Variants in PXDNL observed in about 807,000 individuals in gnomAD.
PXDNL encodes the protein probable oxidoreductase PXDNL.
Under a neutral mutation model 150.8 loss-of-function variants are expected in PXDNL, and 145 were observed. The ratio of observed to expected loss-of-function variants is 0.96; its 90% CI spans 0.84 to 1.10. The LOEUF (loss-of-function observed/expected upper bound fraction) is 1.10. PXDNL is among the 50% of genes least tolerant of loss of function. The pLI, the probability that PXDNL is intolerant of heterozygous loss-of-function variation, is 0.00. For missense variants in PXDNL, 2,087 were observed against 1,873.9 expected (o/e 1.11, Z -2.10); for synonymous variants, 757 against 725.7 (o/e 1.04, Z -0.69).
chr8:51,596,104 G>A (rs1199771041), intron 2 of PXDNL, among the ~76,000 whole-genome samples: 6 of 152,018 alleles, frequency 3.9e-5, no homozygotes, highest in Admixed American at 6.6e-5. Context: ...CATTATGTCC[G>A]AGTATCCAGT....
At chr8:51,675,155 C>T (rs1196321145) in intron 1 of PXDNL, among the ~76,000 whole-genome samples, 1 of 152,210 alleles carries the variant, frequency 6.6e-6, no homozygotes, top group African/African-American at 2.4e-5. Context: ...CCATTTGGAG[C>T]ACTGTTGCTC....
At chr8:51,641,803 C>A (rs1331224418) in intron 2 of PXDNL, among the ~76,000 whole-genome samples, 2 of 152,088 alleles carry the variant, frequency 1.3e-5, no homozygotes, top group Non-Finnish European at 2.9e-5. Flanking sequence ...TGTGGCGATT[C>A]CTCAGGGATC....
intron 21 of PXDNL, among the ~76,000 whole-genome samples, chr8:51,321,773 G>T (rs1013208245): frequency 3.3e-5 from 5 of 152,050 alleles, no homozygotes; most frequent in African/African-American, 4.8e-5. Flanking sequence ...TTCATAAATT[G>T]CCCAGTGTCA....
At chr8:51,690,133 A>G (rs1291050310) in intron 1 of PXDNL, among the ~76,000 whole-genome samples, 1 of 152,178 alleles carries the variant, frequency 6.6e-6, no homozygotes, top group Non-Finnish European at 1.5e-5. Flanking sequence ...TGATGAGCTA[A>G]TCTCATATGT....
At chr8:51,460,350 T>A (rs149046973) in intron 8 of PXDNL, among the ~76,000 whole-genome samples, 194 of 148,874 alleles carry the variant, frequency 1.3e-3, no homozygotes, top group Non-Finnish European at 2.0e-3. Context: ...GTCAATCATA[T>A]TTACCATGTT....
At chr8:51,473,052 G>A (rs1159231974) in intron 7 of PXDNL, among the ~76,000 whole-genome samples, 4 of 151,964 alleles carry the variant, frequency 2.6e-5, no homozygotes, top group African/African-American at 9.7e-5. Flanking sequence ...ACATTCCGTA[G>A]ATCTTTAGTA....
chr8:51,753,480 G>C (rs895556348), intron 1 of PXDNL, among the ~76,000 whole-genome samples: 5 of 152,170 alleles, frequency 3.3e-5, no homozygotes, highest in Non-Finnish European at 5.9e-5. Flanking sequence ...ATTTCATTTG[G>C]AATTGCCTTT....
At chr8:51,786,820 A>C (rs1216366242) in intron 1 of PXDNL, among the ~76,000 whole-genome samples, 1 of 152,260 alleles carries the variant, frequency 6.6e-6, no homozygotes, top group Non-Finnish European at 1.5e-5. Context: ...TTGGAAAACA[A>C]TGCCATCTAA....
At chr8:51,414,661 C>T (rs972665047) in intron 14 of PXDNL, among the ~76,000 whole-genome samples, 1 of 151,860 alleles carries the variant, frequency 6.6e-6, no homozygotes, top group East Asian at 1.9e-4. Flanking sequence ...TTGATTAATT[C>T]AATTGGATGA....
intron 11 of PXDNL, among the ~76,000 whole-genome samples, chr8:51,447,820 G>C (rs557495728): frequency 2.6e-5 from 4 of 152,320 alleles, no homozygotes; most frequent in Admixed American, 1.3e-4. Flanking sequence ...ACCCTATTGA[G>C]CGTACACACA....
At chr8:51,535,369 A>G (rs1812047566) in intron 4 of PXDNL, among the ~76,000 whole-genome samples, 1 of 91,984 alleles carries the variant, frequency 1.1e-5, no homozygotes, top group Admixed American at 1.1e-4. Flanking sequence ...TTTGTTCTGT[A>G]CTAAGAAAAA....
chr8:51,704,031 A>G (rs1047104981), intron 1 of PXDNL, among the ~76,000 whole-genome samples: 4 of 152,224 alleles, frequency 2.6e-5, no homozygotes, highest in Non-Finnish European at 4.4e-5. Context: ...TACTCATGGC[A>G]TTGCCTATAA....
intron 12 of PXDNL, among the ~76,000 whole-genome samples, chr8:51,441,991 C>T (rs1340492238): frequency 6.6e-6 from 1 of 152,082 alleles, no homozygotes; most frequent in Non-Finnish European, 1.5e-5. Flanking sequence ...GGAGAGGTCG[C>T]CACACTGCTG....
intron 11 of PXDNL, among the ~76,000 whole-genome samples, chr8:51,447,402 C>T (rs1017397542): frequency 6.6e-6 from 1 of 152,166 alleles, no homozygotes; most frequent in Non-Finnish European, 1.5e-5. Context: ...ACAGCCCAGC[C>T]TCCTAATGAA....
At chr8:51,648,270 GAA>G (rs1219257989) in intron 2 of PXDNL, among the ~76,000 whole-genome samples, 1 of 152,194 alleles carries the variant, frequency 6.6e-6, no homozygotes, top group African/African-American at 2.4e-5. Context: ...ATCTGATAAG[GAA>G]AAGGGATCTT....
Position 51,361,318 on chromosome 8 carries a change from A to G in PXDNL, c.3901+10555T>C, listed in dbSNP as rs138298758. Among the ~76,000 whole-genome samples the G allele has an allele frequency of 3.7e-3, 565 of 152,306 alleles. 5 individuals are homozygous for G. The highest frequency in any genetic ancestry group is 0.013 in the African/African-American group (539 of 41,578). Reference sequence around the variant, plus strand: ...ACAGAAACTGATAATAAATGGAAATATTGCAGAAGGTATAAATTTCAGCTT... The same window carrying G: ...ACAGAAACTGATAATAAATGGAAATGTTGCAGAAGGTATAAATTTCAGCTT... On this transcript the variant is annotated intron_variant, in intron 19 of 22. Coordinates refer to ENST00000356297, the MANE Select transcript of PXDNL (RefSeq NM_144651.5).
At chr8:51,592,210 C>G (rs1813458571) in intron 3 of PXDNL, among the ~76,000 whole-genome samples, 1 of 152,178 alleles carries the variant, frequency 6.6e-6, no homozygotes, top group Non-Finnish European at 1.5e-5. Context: ...AAGTTCCTAA[C>G]TAACTGTAAT....
rs1315656835 is a variant in PXDNL at position 51,449,106 on chromosome 8, A to T, written c.1262T>A (p.Phe421Tyr). Residue 421 changes from phenylalanine (F) to tyrosine (Y), a missense_variant, in exon 11 of 23, where the codon TTT becomes TAT. Physicochemically the swap from Phe to Tyr is conservative, Grantham distance 22 (BLOSUM62 3). Coordinates refer to ENST00000356297, the MANE Select transcript of PXDNL (RefSeq NM_144651.5). ...CACTTGATCCTTGGGGGTTACTGTA[A>T]ATTGTGGAGGAGCTAAAGAGAATGA... ...ANIIVQAPPQ[F>Y]TVTPKDQVVL... 1.3e-6 allele frequency: 2 copies of T among 1,543,306 alleles called. No individual in the cohort carries two copies. Among genetic ancestry groups the T allele is most frequent in the Admixed American group, 2.0e-5 (1 of 50,736 alleles).
intron 13 of PXDNL, among the ~76,000 whole-genome samples, chr8:51,426,391 T>C (rs1310967550): frequency 6.6e-6 from 1 of 152,112 alleles, no homozygotes; most frequent in Non-Finnish European, 1.5e-5. Context: ...AATTCAGTTA[T>C]GCTTATGAAG....
Sources: allele counts gnomAD v4.1 joint callset (sites outside exome capture counted in the v4.1 genomes callset), GRCh38; gene constraint gnomAD v4.1.1; transcripts MANE v1.5; gene names NCBI Gene and HGNC (gene_info 2026-07-23, HGNC 2026-07-21).